The following COL25A1 variants were observed in gnomAD, a reference collection of about 807,000 sequenced individuals.
COL25A1 encodes collagen type XXV alpha 1 chain, also known as collagen alpha-1(XXV) chain.
COL25A1 carries 103 observed loss-of-function variants against 128.4 expected under a neutral mutation model. That is an observed-to-expected ratio of 0.80 (90% CI 0.68 to 0.94). The LOEUF (loss-of-function observed/expected upper bound fraction) is 0.94, where lower values mean the gene tolerates loss of function less well. Among genes scored for constraint, COL25A1 ranks in the 40% least tolerant of loss-of-function variants. The probability of loss-of-function intolerance (pLI) is 0.00; values close to 1 mark genes in which losing one functional copy is unlikely to be tolerated. For synonymous variants in COL25A1, 279 were observed against 277.2 expected (o/e 1.01, Z -0.06); for missense variants, 745 against 840.0 (o/e 0.89, Z 1.40).
chr4:108,870,918 TA>T (rs1160102061), intron 19 of COL25A1, among the ~76,000 whole-genome samples: 2 of 152,274 alleles, frequency 1.3e-5, no homozygotes, highest in African/African-American at 4.8e-5. Context: ...TTTCATTCTT[TA>T]GAAAAACAAA....
At chr4:109,184,408 T>G (rs1441281713) in intron 3 of COL25A1, among the ~76,000 whole-genome samples, 1 of 152,134 alleles carries the variant, frequency 6.6e-6, no homozygotes, top group African/African-American at 2.4e-5. Context: ...ATGAAATGCT[T>G]GTGCTGGCAT....
rs1276889688 is a variant in COL25A1, at chr4:109,167,243, A to G, written c.368-117064T>C. On this transcript the variant is annotated intron_variant, in intron 3 of 37. Coordinates refer to ENST00000399132, the MANE Select transcript of COL25A1 (RefSeq NM_198721.4). Reference sequence around the variant, plus strand: ...TTATAAAACTCATCTTTCTCTCTCAAGAGTCCCATTCAGGATAACATGTGT... The same window carrying G: ...TTATAAAACTCATCTTTCTCTCTCAGGAGTCCCATTCAGGATAACATGTGT... 2.0e-5 allele frequency among the ~76,000 whole-genome samples: 3 copies of G among 152,272 alleles called. No homozygotes were observed. The East Asian group carries it at 5.8e-4, about 29-fold the overall frequency.
intron 5 of COL25A1, among the ~76,000 whole-genome samples, chr4:109,038,734 A>G (rs1759587286): frequency 6.6e-6 from 1 of 152,152 alleles, no homozygotes; most frequent in South Asian, 2.1e-4. Flanking sequence ...CTCAAACTCA[A>G]ATGTTCAAAA....
rs1386833747 is a variant in COL25A1, at chr4:108,825,179, T to C, written c.1791+17A>G. On this transcript the variant is annotated intron_variant, in intron 34 of 37. Transcript: ENST00000399132. The stretch of plus-strand genomic sequence containing the variant: ...ATCTATTATAATAGGATGATGTTTA[T>C]TGTACTTATTACTTACATCAAGACC... The C allele has an allele frequency of 1.3e-6, 2 of 1,595,010 alleles. No homozygotes were observed. The highest frequency in any genetic ancestry group is 1.7e-6 in the Non-Finnish European group (2 of 1,163,062).
intron 6 of COL25A1, among the ~76,000 whole-genome samples, chr4:109,003,607 C>T (rs902971612): frequency 2.0e-5 from 3 of 152,188 alleles, no homozygotes; most frequent in Non-Finnish European, 4.4e-5. Context: ...TCGAGACCAA[C>T]CTGACCAACA....
intron 16 of COL25A1, among the ~76,000 whole-genome samples, chr4:108,893,972 T>C (rs1741842782): frequency 1.3e-5 from 2 of 152,196 alleles, no homozygotes; most frequent in African/African-American, 4.8e-5. Flanking sequence ...AATTTCCGTT[T>C]TACCTGAAGT....
At chr4:109,063,458 A>C (rs1399561664) in intron 3 of COL25A1, among the ~76,000 whole-genome samples, 1 of 151,378 alleles carries the variant, frequency 6.6e-6, no homozygotes, top group Non-Finnish European at 1.5e-5. Context: ...AGCCAAGATC[A>C]CACCACTGCA....
chr4:109,085,735 C>T (rs1764296032), intron 3 of COL25A1, among the ~76,000 whole-genome samples: 1 of 152,154 alleles, frequency 6.6e-6, no homozygotes, highest in African/African-American at 2.4e-5. Context: ...CATCTCAGCA[C>T]AACTGACATA....
intron 3 of COL25A1, among the ~76,000 whole-genome samples, chr4:109,158,263 A>G (rs1772223751): frequency 6.6e-6 from 1 of 152,054 alleles, no homozygotes; most frequent in South Asian, 2.1e-4. Flanking sequence ...TATCTTTGTT[A>G]TAATGTTTAC....
chr4:109,204,866 AT>A (rs1267143182), intron 3 of COL25A1, among the ~76,000 whole-genome samples: 5 of 152,308 alleles, frequency 3.3e-5, no homozygotes, highest in African/African-American at 1.2e-4. Flanking sequence ...AATTTTTATC[AT>A]TACTCTGTCT....
At chr4:109,074,143 G>A (rs1354305669) in intron 3 of COL25A1, among the ~76,000 whole-genome samples, 2 of 152,108 alleles carry the variant, frequency 1.3e-5, no homozygotes, top group East Asian at 3.9e-4. Context: ...TTCCACAGTA[G>A]GATTCCCGCT....
chr4:109,230,753 G>A (rs1779109093), intron 3 of COL25A1, among the ~76,000 whole-genome samples: 1 of 152,160 alleles, frequency 6.6e-6, no homozygotes, highest in African/African-American at 2.4e-5. Flanking sequence ...AAGAAATGGA[G>A]GTAGGTGACA....
chr4:109,158,530 A>AGT (rs1482770012), intron 3 of COL25A1, among the ~76,000 whole-genome samples: 2 of 152,244 alleles, frequency 1.3e-5, no homozygotes, highest in African/African-American at 4.8e-5. Context: ...AAAACTATGA[A>AGT]GTATCTACAA....
intron 3 of COL25A1, among the ~76,000 whole-genome samples, chr4:109,249,108 C>T (rs757065078): frequency 1.1e-4 from 16 of 152,272 alleles, no homozygotes; most frequent in South Asian, 2.1e-4. Context: ...AATCTAGCCT[C>T]GCCTTTAAAA....
chr4:108,901,933 G>C (rs537807730), intron 13 of COL25A1, among the ~76,000 whole-genome samples: 1 of 151,960 alleles, frequency 6.6e-6, no homozygotes, highest in Non-Finnish European at 1.5e-5. Flanking sequence ...GATACTTTGG[G>C]CCTTTATGCT....
At chr4:109,109,910 CTTA>C (rs985481444) in intron 3 of COL25A1, among the ~76,000 whole-genome samples, 3 of 152,184 alleles carry the variant, frequency 2.0e-5, no homozygotes, top group Non-Finnish European at 2.9e-5. Context: ...TATCAGCTTT[CTTA>C]TTATCTCACA....
intron 8 of COL25A1, among the ~76,000 whole-genome samples, chr4:108,970,880 A>G (rs191402906): frequency 6.6e-5 from 10 of 152,328 alleles, no homozygotes; most frequent in African/African-American, 2.4e-4. Context: ...AAATGAAAAG[A>G]TTCCCTTCTT....
In COL25A1 at chr4:108,863,372, C is replaced by T. The variant is rs533121325; in HGVS notation, c.1099G>A (p.Ala367Thr). ...LPGTKGERGE[A>T]GPPGRGERGE... is the part of the protein sequence containing the mutation. ...CGCTCACCTCTTCCAGGAGGCCCTG[C>T]TTCCCCCCGTTCACCCTGTCACAAA... The change falls in exon 21 of 38, where the codon GCA (alanine) becomes ACA (threonine). Residue 367 changes from alanine (A) to threonine (T), a missense_variant. This residue lies in a region of COL25A1 where 387 missense variants were observed against 441.9 expected (regional missense o/e 0.88). Transcript: ENST00000399132. The T allele has an allele frequency of 1.9e-6, 3 of 1,613,772 alleles. No homozygotes were observed. Among genetic ancestry groups the T allele is most frequent in the Middle Eastern group, 1.6e-4 (1 of 6,080 alleles).
intron 3 of COL25A1, among the ~76,000 whole-genome samples, chr4:109,217,494 T>C (rs565972889): frequency 1.4e-5 from 2 of 146,540 alleles, no homozygotes; most frequent in Admixed American, 1.3e-4. Flanking sequence ...GAAATACGAT[T>C]AATAACCTAT....
Sources: allele counts gnomAD v4.1 joint callset (sites outside exome capture counted in the v4.1 genomes callset), GRCh38; gene constraint gnomAD v4.1.1; regional missense constraint gnomAD v4.1.1; transcripts MANE v1.5; gene names NCBI Gene and HGNC (gene_info 2026-07-23, HGNC 2026-07-21).